EPYC: variants seen among roughly 807,000 people sequenced by gnomAD.
The protein encoded by EPYC is dermatan sulfate proteoglycan 3.
EPYC carries 28 observed loss-of-function variants against 30.1 expected under a neutral mutation model. The ratio of observed to expected loss-of-function variants is 0.93; its 90% confidence interval spans 0.69 to 1.28. The LOEUF is 1.28. Ranked by LOEUF, EPYC falls within the 50% of genes most tolerant of loss-of-function variation. The pLI, the probability that EPYC is intolerant of heterozygous loss-of-function variation, is 0.00. For synonymous variants in EPYC, 144 were observed against 141.4 expected, an observed-to-expected ratio of 1.02 and a Z score of -0.13; for missense variants, 382 against 383.5, an observed-to-expected ratio of 1.00 and a Z score of 0.03.
At chr12:90,964,970 A>G (rs185768791) in intron 6 of EPYC, among the ~76,000 whole-genome samples, 6 of 152,260 alleles carry the variant, frequency 3.9e-5, no homozygotes, top group Non-Finnish European at 5.9e-5. Flanking sequence ...CTTTGCAACC[A>G]TCTGTCTAAT....
chr12:90,970,838 C>T (rs1052467822), intron 5 of EPYC, among the ~76,000 whole-genome samples: 1 of 152,190 alleles, frequency 6.6e-6, no homozygotes, highest in Admixed American at 6.5e-5. Context: ...CTGTGCCATC[C>T]CTGAGAATAC....
At chr12:91,002,189 C>CAAAAAAAAAAAAAAAAAAAAAAAAAAAAA (rs34987645) in intron 2 of EPYC, among the ~76,000 whole-genome samples, 1 of 73,458 alleles carries the variant, frequency 1.4e-5, no homozygotes, top group Non-Finnish European at 2.4e-5. Flanking sequence ...GACACTGTCT[C>CAAAAAAAAAAAAAAAAAAAAAAAAAAAAA]AAAAAAAAAA....
Position 90,963,704 on chromosome 12 carries a change from T to C in EPYC, c.*452A>G, listed in dbSNP as rs1247958836. 6.6e-6 allele frequency: 1 copy of C among 152,254 alleles called. No individual in the cohort carries two copies. Among genetic ancestry groups the C allele is most frequent in the African/African-American group, 2.4e-5 (1 of 41,460 alleles). 9.4% of individuals were successfully genotyped at this position (152,254 alleles called of 1,614,324 possible). ...TTATAATTTTCAAATACATTTATTC[T>C]TTTTTTCATGCTCTTTAATGGATTA... On this transcript the variant is annotated 3_prime_UTR_variant, in exon 7 of 7. Coordinates refer to ENST00000261172, the MANE Select transcript of EPYC (RefSeq NM_004950.5).
intron 2 of EPYC, among the ~76,000 whole-genome samples, chr12:91,000,767 A>T (rs1877804249): frequency 6.7e-6 from 1 of 149,010 alleles, no homozygotes; most frequent in African/African-American, 2.4e-5. Flanking sequence ...TTAATTTGAT[A>T]GATAAATTCA....
At chr12:90,982,410 A>G (rs1877344160) in intron 2 of EPYC, among the ~76,000 whole-genome samples, 2 of 152,178 alleles carry the variant, frequency 1.3e-5, no homozygotes, top group African/African-American at 4.8e-5. Flanking sequence ...CACCCAAGAA[A>G]AAAACTCTAC....
intron 2 of EPYC, among the ~76,000 whole-genome samples, chr12:90,996,596 T>C (rs1378805607): frequency 6.6e-6 from 1 of 151,988 alleles, no homozygotes; most frequent in Non-Finnish European, 1.5e-5. Flanking sequence ...TTCATTCCTT[T>C]CAAAAATCTT....
intron 4 of EPYC, 90 bp downstream of exon 4, chr12:90,972,732 A>T: frequency 1.8e-6 from 2 of 1,132,622 alleles, no homozygotes; most frequent in Non-Finnish European, 2.4e-6. Context: ...TTTGGCATTC[A>T]AGTTTCATTC....
chr12:90,970,013 C>A (rs778721329), intron 6 of EPYC, 31 bp downstream of exon 6: 2 of 1,538,608 alleles, frequency 1.3e-6, no homozygotes, highest in African/African-American at 1.4e-5. Context: ...TCTCTGAAGC[C>A]CTTGGGCGCA....
intron 2 of EPYC, among the ~76,000 whole-genome samples, chr12:90,986,522 A>G (rs911113387): frequency 6.6e-6 from 1 of 152,172 alleles, no homozygotes; most frequent in African/African-American, 2.4e-5. Flanking sequence ...GAATGGTAGG[A>G]AGCAGGATAG....
intron 2 of EPYC, among the ~76,000 whole-genome samples, chr12:90,992,061 G>C (rs1476912311): frequency 6.6e-6 from 1 of 152,162 alleles, no homozygotes; most frequent in East Asian, 1.9e-4. Flanking sequence ...ACGAGGGACT[G>C]GTTTTGTGGA....
chr12:90,966,481 A>G (rs1391168508), intron 6 of EPYC, among the ~76,000 whole-genome samples: 1 of 152,058 alleles, frequency 6.6e-6, no homozygotes, highest in African/African-American at 2.4e-5. Flanking sequence ...TATTTCTGCA[A>G]TCCCATTTGG....
intron 2 of EPYC, among the ~76,000 whole-genome samples, chr12:90,980,051 G>T (rs574067193): frequency 6.6e-6 from 1 of 152,066 alleles, no homozygotes; most frequent in Non-Finnish European, 1.5e-5. Context: ...AAAGACATAC[G>T]GTTTCCATCT....
intron 2 of EPYC, among the ~76,000 whole-genome samples, chr12:90,985,710 G>T (rs1369745880): frequency 6.6e-6 from 1 of 152,038 alleles, no homozygotes. Context: ...TTATGCCAAG[G>T]CAATCACTGG....
In EPYC at chr12:90,996,033, T is replaced by C. The variant is rs562625602; in HGVS notation, c.165+6368A>G. ...TATGCAAACCATATGTATGAAACTTTAAAATATACTGTATAAATTGGCCAA... is the reference window on the plus strand; with the variant it reads ...TATGCAAACCATATGTATGAAACTTCAAAATATACTGTATAAATTGGCCAA... On this transcript the variant is annotated intron_variant, in intron 2 of 6. Coordinates refer to ENST00000261172, the MANE Select transcript of EPYC (RefSeq NM_004950.5). 3.2e-4 allele frequency among the ~76,000 whole-genome samples: 48 copies of C among 152,062 alleles called. No individual in the cohort carries two copies. In the Middle Eastern group the frequency reaches 0.014, roughly 43 times the overall value.
chr12:90,972,367 T>G (rs1353485346), intron 4 of EPYC, among the ~76,000 whole-genome samples: 1 of 152,202 alleles, frequency 6.6e-6, no homozygotes, highest in East Asian at 1.9e-4. Flanking sequence ...ATTAAAACAC[T>G]TTATGACAAC....
intron 6 of EPYC, 85 bp downstream of exon 6, chr12:90,969,959 T>G: frequency 1.1e-6 from 1 of 902,706 alleles, no homozygotes; most frequent in East Asian, 2.4e-5. Flanking sequence ...AACATGCCAT[T>G]ACAGACAAAT....
In EPYC at chr12:90,978,264, TGA is replaced by T. The variant is rs1491546560; in HGVS notation, c.166-4_166-3del. 6 of 1,435,354 alleles carry T rather than the reference TGA, an allele frequency of 4.2e-6. No individual in the cohort carries two copies. The highest frequency in any genetic ancestry group is 1.3e-5 in the South Asian group (1 of 76,696). The allele number at this position is 1,435,354 out of a possible 1,614,324, so 88.9% of individuals were successfully genotyped here. On this transcript the variant is annotated splice_polypyrimidine_tract_variant and splice_region_variant and intron_variant, in intron 2 of 6. Coordinates refer to ENST00000261172, the MANE Select transcript of EPYC (RefSeq NM_004950.5). ...AGGCATCACTGTGGCTATTTCAATC[TGA>T]AAAAAAAAAAAAAAAGAGAATTTCT...
rs189621512 is a variant in EPYC, at chr12:90,979,010, T to G, written c.166-748A>C. ...ATAAAATTACAAAATTATTCAAAGG[T>G]TTTTTTTTATATTATATTTTAGATT... On this transcript the variant is annotated intron_variant, in intron 2 of 6. Transcript: ENST00000261172. Among the ~76,000 whole-genome samples, 174 of 151,202 alleles carry G rather than the reference T, an allele frequency of 1.2e-3. 2 individuals carry two copies. Among genetic ancestry groups the G allele is most frequent in the Non-Finnish European group, 8.8e-5 (6 of 67,962 alleles).
intron 2 of EPYC, among the ~76,000 whole-genome samples, chr12:90,996,624 T>A (rs1877698293): frequency 1.3e-5 from 2 of 152,000 alleles, no homozygotes; most frequent in African/African-American, 2.4e-5. Context: ...TTTAAAAAAT[T>A]CATCATCTGT....
Sources: allele counts gnomAD v4.1 joint callset (sites outside exome capture counted in the v4.1 genomes callset), GRCh38; gene constraint gnomAD v4.1.1; transcripts MANE v1.5; gene names NCBI Gene and HGNC (gene_info 2026-07-23, HGNC 2026-07-21).